MTOR: variants seen among roughly 807,000 people sequenced by gnomAD.
The protein encoded by MTOR is serine/threonine-protein kinase mTOR.
In MTOR, 70 loss-of-function variants were observed where a neutral mutation model predicts 319.8. That is an observed-to-expected ratio of 0.22 (90% CI 0.18 to 0.27). MTOR has a LOEUF of 0.27. MTOR is among the 10% of genes least tolerant of loss of function. The pLI is 1.00. For missense variants in MTOR, 1,890 were observed against 3,274.4 expected, an observed-to-expected ratio of 0.58 and a Z score of 10.32; for synonymous variants, 1,183 against 1,211.4, an observed-to-expected ratio of 0.98 and a Z score of 0.49.
At chr1:11,139,456 G>T (rs929135674) in intron 35 of MTOR, 21 bp from the exon 36 acceptor site, 1 of 1,614,012 alleles carries the variant, frequency 6.2e-7, no homozygotes. Flanking sequence ...AGAGAAACTG[G>T]GTTATAGACA....
intron 28 of MTOR, among the ~76,000 whole-genome samples, chr1:11,176,954 A>C (rs986061093): frequency 6.6e-6 from 1 of 152,198 alleles, no homozygotes; most frequent in Non-Finnish European, 1.5e-5. Flanking sequence ...GAGAAAGGAC[A>C]GCAGGGCAGA....
At chr1:11,259,460 A>G in intron 1 of MTOR, 37 bp from the exon 2 acceptor site, 1 of 1,502,222 alleles carries the variant, frequency 6.7e-7, no homozygotes, top group Non-Finnish European at 8.9e-7. Context: ...TCTGGATAAG[A>G]AAGTATGATG....
Position 11,259,270 on chromosome 1 carries a change from T to C in MTOR, c.140A>G (p.Tyr47Cys), listed in dbSNP as rs146812066. Residue 47 changes from tyrosine to cysteine, a missense_variant, in exon 2 of 58, where the codon TAT (tyrosine) becomes TGT (cysteine). By Grantham distance (194) the Tyr-to-Cys change is radical. Coordinates refer to ENST00000361445, the MANE Select transcript of MTOR (RefSeq NM_004958.4). ...CACCTCTCGGAGTTCCATGGTGACATAGTGCTGGAGCTCCTTGGCGGCTTT... is the reference window on the plus strand; with the variant it reads ...CACCTCTCGGAGTTCCATGGTGACACAGTGCTGGAGCTCCTTGGCGGCTTT... ...RAKAAKELQH[Y>C]VTMELREMSQ... The C allele has an allele frequency of 3.7e-6, 6 of 1,613,806 alleles. No homozygotes were observed. The highest frequency in any genetic ancestry group is 2.7e-5 in the African/African-American group (2 of 74,894).
chr1:11,108,336 C>A, intron 56 of MTOR, 50 bp from the exon 57 acceptor site: 2 of 1,412,630 alleles, frequency 1.4e-6, no homozygotes, highest in South Asian at 2.3e-5. Context: ...GCAATCGATG[C>A]ACTTCTTGTT....
At chr1:11,236,295 C>A (rs1332023501) in intron 13 of MTOR, among the ~76,000 whole-genome samples, 2 of 151,896 alleles carry the variant, frequency 1.3e-5, no homozygotes, top group Non-Finnish European at 2.9e-5. Flanking sequence ...CACCACTACA[C>A]CCAGCTAACT....
In MTOR at chr1:11,255,868, C is replaced by A. The variant is rs1291213858; in HGVS notation, c.705+124G>T. 367 of 640,660 alleles carry A rather than the reference C, an allele frequency of 5.7e-4. 1 individual carries two copies. The highest frequency in any genetic ancestry group is 9.9e-4 in the Middle Eastern group (2 of 2,012). 39.7% of individuals were successfully genotyped at this position (640,660 alleles called of 1,614,324 possible). ...TCACAAAAAAAAAAAAAAAAAAATT[C>A]ATTTGAGAGCAAACCAAAACGTGAT... is the stretch of plus-strand genomic sequence containing the variant. On this transcript the variant is annotated intron_variant, in intron 5 of 57. Coordinates refer to ENST00000361445, the MANE Select transcript of MTOR (RefSeq NM_004958.4).
chr1:11,155,550 G>A (rs1644289962), intron 30 of MTOR, among the ~76,000 whole-genome samples: 2 of 152,132 alleles, frequency 1.3e-5, no homozygotes, highest in Non-Finnish European at 2.9e-5. Context: ...TATACCTGGA[G>A]GAAAGGTACA....
chr1:11,238,763 CTT>C (rs1647552660), intron 11 of MTOR, 146 bp from the exon 12 acceptor site: 2 of 607,402 alleles, frequency 3.3e-6, no homozygotes, highest in African/African-American at 1.9e-5. Flanking sequence ...ACCCGGAACT[CTT>C]CTTTTTTTTT....
At chr1:11,237,708 G>T in intron 13 of MTOR, 135 bp downstream of exon 13, 1 of 895,414 alleles carries the variant, frequency 1.1e-6, no homozygotes, top group Non-Finnish European at 1.7e-6. Flanking sequence ...TTGGACCTTT[G>T]CAGACAAATG....
In MTOR at chr1:11,128,481, G is replaced by A. The variant is rs762897986; in HGVS notation, c.5883C>T (p.Leu1961=). The A allele has an allele frequency of 5.0e-6, 8 of 1,614,078 alleles. No individual in the cohort carries two copies. Among genetic ancestry groups the A allele is most frequent in the Non-Finnish European group, 6.8e-6 (8 of 1,180,046 alleles). Residue 1961 remains leucine (L), a synonymous_variant, in exon 42 of 58, where the codon CTC becomes CTT. Transcript: ENST00000361445. This position sits in a 1 kb window ranked among gnomAD's most constrained non-coding sequence, Gnocchi z 5.3. ...GGGGGTGGTACCGACCAATGTCTGT[G>A]AGAAGCTGGTGAATGAGACGTCCCA... ...PLVGRLIHQL[L]TDIGRYHPQA...
intron 47 of MTOR, 41 bp from the exon 48 acceptor site, chr1:11,122,167 G>C (rs748428562): frequency 1.9e-6 from 3 of 1,612,008 alleles, no homozygotes; most frequent in Non-Finnish European, 2.5e-6. Context: ...ACCGTAAAGA[G>C]AGTATACCCT....
Position 11,199,479 on chromosome 1 carries a change from T to A in MTOR, c.4107+62A>T. On this transcript the variant is annotated intron_variant, in intron 27 of 57. Coordinates refer to ENST00000361445, the MANE Select transcript of MTOR (RefSeq NM_004958.4). This position sits in a 1 kb window ranked among gnomAD's most constrained non-coding sequence, Gnocchi z 4.5. ...AACAAGAGAAGGCTGTGTGGATGCT[T>A]CTCTCCTCCCACCAGCTGGTTCCCT... 2 of 1,613,500 alleles carry A rather than the reference T, an allele frequency of 1.2e-6. No individual in the cohort carries two copies. The highest frequency in any genetic ancestry group is 1.7e-6 in the Non-Finnish European group (2 of 1,179,490).
chr1:11,128,317 T>C lies in MTOR; in HGVS notation c.5910+137A>G, dbSNP rs1165681240. The stretch of plus-strand genomic sequence containing the variant: ...AGGCTCCCGGGCCCTCTGGGACGGC[T>C]GGCTGGACAGACCCTCCTGGGCCAG... On this transcript the variant is annotated intron_variant, in intron 42 of 57. Coordinates refer to ENST00000361445, the MANE Select transcript of MTOR (RefSeq NM_004958.4). This position sits in a 1 kb window ranked among gnomAD's most constrained non-coding sequence, Gnocchi z 5.3. 4.1e-6 allele frequency: 5 copies of C among 1,227,834 alleles called. No homozygotes were observed. Among genetic ancestry groups the C allele is most frequent in the Non-Finnish European group, 5.7e-6 (5 of 871,016 alleles). The allele number at this position is 1,227,834 out of a possible 1,614,324, so 76.1% of individuals were successfully genotyped here. A position where few individuals can be genotyped will look rare whatever the true frequency, so the allele number is the denominator to read the frequency against.
intron 25 of MTOR, among the ~76,000 whole-genome samples, chr1:11,208,295 A>T (rs1646203726): frequency 6.6e-6 from 1 of 152,272 alleles, no homozygotes. Flanking sequence ...ATCTTAACCC[A>T]GCAAACGTTT....
chr1:11,138,407 G>T (rs917009628), intron 36 of MTOR, among the ~76,000 whole-genome samples: 1 of 152,206 alleles, frequency 6.6e-6, no homozygotes. Flanking sequence ...CAGGTGCCTG[G>T]GTACAGGCTG....
chr1:11,119,078 A>G (rs909565601), intron 49 of MTOR, among the ~76,000 whole-genome samples: 1 of 152,166 alleles, frequency 6.6e-6, no homozygotes, highest in African/African-American at 2.4e-5. Flanking sequence ...TGTAACTAGT[A>G]TAAGAAAATA....
chr1:11,160,328 G>A (rs544438200), intron 29 of MTOR, among the ~76,000 whole-genome samples: 1 of 152,244 alleles, frequency 6.6e-6, no homozygotes, highest in Non-Finnish European at 1.5e-5. Flanking sequence ...TTGAACTCCT[G>A]ATCTCAGGTG....
At chr1:11,228,071 G>A (rs1297800918) in intron 19 of MTOR, among the ~76,000 whole-genome samples, 1 of 151,988 alleles carries the variant, frequency 6.6e-6, no homozygotes, top group African/African-American at 2.4e-5. Flanking sequence ...CTTAAATCTC[G>A]TCATGAAGGA....
rs1190665412 is a variant in MTOR, at chr1:11,157,176, C to T, written c.4445G>A (p.Arg1482His). The change falls in exon 30 of 58, where the codon CGC becomes CAC. Residue 1482 changes from arginine (R) to histidine (H), a missense_variant. Around this residue, in one of 15 missense-constraint regions of MTOR, gnomAD observed 276 missense variants for 459.4 expected, o/e 0.60. Transcript: ENST00000361445. ...DDPELMLGRM[R>H]CLEALGEWGQ... ...CCATTCCCCCAAGGCCTCGAGGCAG[C>T]GCATGCGGCCCAGCATCAGCTCTGG... 6 of 1,610,792 alleles carry T rather than the reference C, an allele frequency of 3.7e-6. No individual in the cohort carries two copies. The highest frequency in any genetic ancestry group is 1.3e-5 in the African/African-American group (1 of 74,710).
Sources: gnomAD v4.1 joint callset for allele counts (sites outside exome capture counted in the v4.1 genomes callset) on GRCh38, gnomAD v4.1.1 for gene constraint, gnomAD v4.1.1 regional missense constraint, Gnocchi (gnomAD v3.1) non-coding constraint, MANE v1.5 for transcripts, NCBI Gene and HGNC (gene_info 2026-07-23, HGNC 2026-07-21) for gene names.